The following SLC11A1 variants were observed in gnomAD, a reference collection of about 807,000 sequenced individuals.
SLC11A1 encodes the protein solute carrier family 11 member 1, also known as natural resistance-associated macrophage protein 1.
In SLC11A1, 59 loss-of-function variants were observed where a neutral mutation model predicts 63.2. The observed-to-expected ratio is 0.93, with a 90% CI of 0.76 to 1.16. SLC11A1 has a LOEUF of 1.16. SLC11A1 is among the 50% of genes most tolerant of loss of function. The pLI is 0.00. For synonymous variants in SLC11A1, 305 were observed against 307.8 expected, an observed-to-expected ratio of 0.99 and a Z score of 0.09; for missense variants, 688 against 730.7, an observed-to-expected ratio of 0.94 and a Z score of 0.67.
At chr2:218,394,584 TGGGC>T (rs1274769596) in intron 13 of SLC11A1, 44 bp from the exon 14 acceptor site, 2 of 1,593,134 alleles carry the variant, frequency 1.3e-6, no homozygotes, top group Non-Finnish European at 1.7e-6. Flanking sequence ...TTGATGCAGG[TGGGC>T]CAGCAGCAAC....
intron 6 of SLC11A1, 110 bp downstream of exon 6, chr2:218,387,340 C>T: frequency 8.9e-7 from 1 of 1,118,064 alleles, no homozygotes. Flanking sequence ...CCCTCACTCT[C>T]CCTGGGTGGC....
At position 218,394,656 on chromosome 2, in the gene SLC11A1, C is replaced by T. The variant is rs1206205988; in HGVS notation, c.1413C>T (p.Ser471=). Residue 471 remains serine, a synonymous_variant, in exon 14 of 15, where the codon TCC becomes TCT. Transcript: ENST00000233202. ...NGLLNKVVTS[S]IMVLVCAINL... is the part of the protein sequence containing the mutation. ...GGCTGAACAAGGTCGTCACCTCTTC[C>T]ATCATGGTGCTAGTCTGCGCCATCA... 11 of 1,613,884 alleles carry T rather than the reference C, an allele frequency of 6.8e-6. No individual in the cohort carries two copies. Among genetic ancestry groups the T allele is most frequent in the Non-Finnish European group, 9.3e-6 (11 of 1,180,032 alleles).
At position 218,393,070 on chromosome 2, in the gene SLC11A1, C is replaced by A; in HGVS notation, c.1254C>A (p.Phe418Leu). 1 of 1,598,870 alleles carries A rather than the reference C, an allele frequency of 6.3e-7. No individual in the cohort carries two copies. Among genetic ancestry groups the A allele is most frequent in the Non-Finnish European group, 8.5e-7 (1 of 1,176,692 alleles). The change falls in exon 12 of 15, where the codon TTC (phenylalanine) becomes TTA (leucine). Residue 418 changes from phenylalanine (F) to leucine (L), a missense_variant. Coordinates refer to ENST00000233202, the MANE Select transcript of SLC11A1 (RefSeq NM_000578.4). ...AILPTVLVAV[F>L]RDLRDLSGLN... ...TGCCCACCGTGCTCGTGGCTGTCTT[C>A]CGGGACCTGAGGGACTTGTCGGGCC...
chr2:218,383,524 G>C (rs1695914100), intron 2 of SLC11A1: 1 of 156,460 alleles, frequency 6.4e-6, no homozygotes, highest in African/African-American at 2.5e-5. Context: ...CTGTAGCCCA[G>C]GCTGGAGTGC....
Position 218,384,132 on chromosome 2 carries a change from C to A in SLC11A1, c.151-111C>A. Reference sequence around the variant, plus strand: ...AGACCCAGGAATGGGCCATGGAGGGCAGGGCTGGGCTGATGAGCCTGTTGG... The same window carrying A: ...AGACCCAGGAATGGGCCATGGAGGGAAGGGCTGGGCTGATGAGCCTGTTGG... On this transcript the variant is annotated intron_variant, in intron 2 of 14. Transcript: ENST00000233202. The surrounding 1 kb of genome is among the most constrained non-coding windows in gnomAD (Gnocchi z 4.0). 1.7e-6 allele frequency: 2 copies of A among 1,201,680 alleles called. No individual in the cohort carries two copies. The highest frequency in any genetic ancestry group is 2.2e-6 in the Non-Finnish European group (2 of 891,256). The allele number at this position is 1,201,680 out of a possible 1,614,324, so 74.4% of individuals were successfully genotyped here.
intron 7 of SLC11A1, 48 bp downstream of exon 7, chr2:218,387,680 C>G: frequency 6.2e-7 from 1 of 1,612,320 alleles, no homozygotes; most frequent in Non-Finnish European, 8.5e-7. Context: ...CAAGATCATT[C>G]CTCTCCCTTC....
Position 218,394,915 on chromosome 2 carries a change from C to T in SLC11A1, c.1543-10C>T, listed in dbSNP as rs1194391490. Reference sequence around the variant, plus strand: ...GGCATCTCCCCAATTCATGGTTGCCCCTCCCCCAGGTCTGGACCTGTTGCC... The same window carrying T: ...GGCATCTCCCCAATTCATGGTTGCCTCTCCCCCAGGTCTGGACCTGTTGCC... On this transcript the variant is annotated splice_polypyrimidine_tract_variant and intron_variant, in intron 14 of 14. Transcript: ENST00000233202. 2 of 1,610,826 alleles carry T rather than the reference C, an allele frequency of 1.2e-6. No homozygotes were observed. The highest frequency in any genetic ancestry group is 1.7e-5 in the Admixed American group (1 of 59,730).
chr2:218,394,427 T>C, intron 13 of SLC11A1: 1 of 704,118 alleles, frequency 1.4e-6, no homozygotes, highest in Non-Finnish European at 2.3e-6. Context: ...CAGACTCAGC[T>C]CTTGCCAAAT....
rs759776528 is a variant in SLC11A1, at chr2:218,384,335, T to C, written c.243T>C (p.Asp81=). The C allele has an allele frequency of 8.7e-6, 14 of 1,607,988 alleles. No individual in the cohort carries two copies. The South Asian group carries it at 8.8e-5, about 10-fold the overall frequency. The change falls in exon 3 of 15, where the codon GAT becomes GAC. Residue 81 remains aspartate (D), a synonymous_variant. Coordinates refer to ENST00000233202, the MANE Select transcript of SLC11A1 (RefSeq NM_000578.4). This position sits in a 1 kb window ranked among gnomAD's most constrained non-coding sequence, Gnocchi z 4.0. ...AFLDPGNIES[D]LQAGAVAGFK... ...TGGACCCAGGAAACATCGAGTCAGA[T>C]CTTCAGGCTGGCGCCGTGGCGGGAT...
In SLC11A1 at chr2:218,387,166, A is replaced by T; in HGVS notation, c.507A>T (p.Pro169=). 6.2e-7 allele frequency: 1 copy of T among 1,613,882 alleles called. No individual in the cohort carries two copies. Among genetic ancestry groups the T allele is most frequent in the Non-Finnish European group, 8.5e-7 (1 of 1,179,944 alleles). Residue 169 remains proline, a synonymous_variant, in exon 6 of 15, where the codon CCA becomes CCT. Coordinates refer to ENST00000233202, the MANE Select transcript of SLC11A1 (RefSeq NM_000578.4). Reference sequence around the variant, plus strand: ...CGGGCCACTCTGGTTTCAGAATCCCACTCTGGGGTGGCGTCCTCATCACCA... The same window carrying T: ...CGGGCCACTCTGGTTTCAGAATCCCTCTCTGGGGTGGCGTCCTCATCACCA... The part of the protein sequence containing the change: ...AFNLLSAGRI[P]LWGGVLITIV...
In SLC11A1 at chr2:218,393,093, G is replaced by A. The variant is rs1696551833; in HGVS notation, c.1277G>A (p.Gly426Asp). ...AVFRDLRDLS[G>D]LNDLLNVLQS... The stretch of plus-strand genomic sequence containing the variant: ...TTCCGGGACCTGAGGGACTTGTCGG[G>A]CCTCAATGATCTGCTCAACGTGCTG... Residue 426 changes from glycine (G) to aspartate (D), a missense_variant, in exon 12 of 15, where the codon GGC becomes GAC. Coordinates refer to ENST00000233202, the MANE Select transcript of SLC11A1 (RefSeq NM_000578.4). The A allele has an allele frequency of 6.3e-7, 1 of 1,594,590 alleles. No individual in the cohort carries two copies. Among genetic ancestry groups the A allele is most frequent in the Admixed American group, 1.7e-5 (1 of 58,428 alleles).
At position 218,396,150 on chromosome 2, in the gene SLC11A1, A is replaced by C. The variant is rs1696748352; in HGVS notation, c.*1115A>C. The C allele has an allele frequency of 6.7e-6, 1 of 150,196 alleles. No individual in the cohort carries two copies. Among genetic ancestry groups the C allele is most frequent in the African/African-American group, 2.5e-5 (1 of 40,688 alleles). 9.3% of individuals were successfully genotyped at this position (150,196 alleles called of 1,614,324 possible). A position where few individuals can be genotyped will look rare whatever the true frequency, so the allele number is the denominator to read the frequency against. On this transcript the variant is annotated 3_prime_UTR_variant, in exon 15 of 15. Transcript: ENST00000233202. ...GCCTCACCCCTCCCCGCCAGGCGGAACGACGCGGGGAGGCGGGCGCTCGGG... is the reference window on the plus strand; with the variant it reads ...GCCTCACCCCTCCCCGCCAGGCGGACCGACGCGGGGAGGCGGGCGCTCGGG...
Position 218,394,745 on chromosome 2 carries a change from C to A in SLC11A1, c.1502C>A (p.Ala501Asp), listed in dbSNP as rs1281600442. 9.9e-6 allele frequency: 16 copies of A among 1,613,574 alleles called. No homozygotes were observed. The highest frequency in any genetic ancestry group is 1.4e-5 in the Non-Finnish European group (16 of 1,180,038). The change falls in exon 14 of 15, where the codon GCC becomes GAC. Residue 501 changes from alanine to aspartate, a missense_variant. Transcript: ENST00000233202. Reference sequence around the variant, plus strand: ...CACCCTGCCTACTTCGGCCTTGCAGCCTTGCTGGCCGCAGCCTACCTGGGC... The same window carrying A: ...CACCCTGCCTACTTCGGCCTTGCAGACTTGCTGGCCGCAGCCTACCTGGGC... ...LPHPAYFGLA[A>D]LLAAAYLGLS... is the part of the protein sequence containing the mutation.
Position 218,394,170 on chromosome 2 carries a change from C to A in SLC11A1, c.1365C>A (p.Leu455=), listed in dbSNP as rs758008307. 6.2e-7 allele frequency: 1 copy of A among 1,614,196 alleles called. No homozygotes were observed. The highest frequency in any genetic ancestry group is 1.1e-5 in the South Asian group (1 of 91,088). Residue 455 remains leucine, a synonymous_variant, in exon 13 of 15, where the codon CTC becomes CTA. Transcript: ENST00000233202. ...TCACGTTCACCAGCATGCCCACCCTCATGCAGGAGTTTGCCAATGGCCTGT... is the reference window on the plus strand; with the variant it reads ...TCACGTTCACCAGCATGCCCACCCTAATGCAGGAGTTTGCCAATGGCCTGT... The part of the protein sequence containing the change: ...PILTFTSMPT[L]MQEFANGLLN...
chr2:218,395,946 T>C lies in SLC11A1; in HGVS notation c.*911T>C, dbSNP rs1027811165. On this transcript the variant is annotated 3_prime_UTR_variant, in exon 15 of 15. Coordinates refer to ENST00000233202, the MANE Select transcript of SLC11A1 (RefSeq NM_000578.4). ...AGTAAAACGGCGGCGCACTTCTTTCTCCGTCAGGCACCAGGTCATAAGGAA... is the reference window on the plus strand; with the variant it reads ...AGTAAAACGGCGGCGCACTTCTTTCCCCGTCAGGCACCAGGTCATAAGGAA... 10 of 152,406 alleles carry C rather than the reference T, an allele frequency of 6.6e-5. No individual in the cohort carries two copies. Among genetic ancestry groups the C allele is most frequent in the Non-Finnish European group, 1.0e-4 (7 of 68,092 alleles). The allele number at this position is 152,406 out of a possible 1,614,324, so 9.4% of individuals were successfully genotyped here.
intron 4 of SLC11A1, 98 bp from the exon 5 acceptor site, chr2:218,386,537 G>C: frequency 1.3e-6 from 1 of 794,066 alleles, no homozygotes; most frequent in Non-Finnish European, 2.1e-6. Flanking sequence ...TGGCCAGACT[G>C]TCTAGTAAAT....
chr2:218,383,899 G>A (rs1239537317), intron 2 of SLC11A1: 1 of 172,734 alleles, frequency 5.8e-6, no homozygotes. Context: ...GCTGGCAAGG[G>A]AGGAGCTGGG....
At position 218,394,123 on chromosome 2, in the gene SLC11A1, C is replaced by CCGTTCG. The variant is rs45470091; in HGVS notation, c.1320_1325dup (p.Phe441_Ala442dup). On this transcript the variant is annotated inframe_insertion, in exon 13 of 15. Coordinates refer to ENST00000233202, the MANE Select transcript of SLC11A1 (RefSeq NM_000578.4). The stretch of plus-strand genomic sequence containing the variant: ...AGGCTCCTGCTGCTCTCCCCAGCTC[C>CCGTTCG]CGTTCGCCGTGCTGCCCATCCTCAC... 88 of 1,614,142 alleles carry CCGTTCG rather than the reference C, an allele frequency of 5.5e-5. No individual in the cohort carries two copies. In the African/African-American group the frequency reaches 1.1e-3, roughly 21 times the overall value.
intron 14 of SLC11A1, 62 bp downstream of exon 14, chr2:218,394,847 G>A: frequency 6.2e-7 from 1 of 1,607,318 alleles, no homozygotes. Context: ...GCAACCAATG[G>A]GGAGGGTTTG....
Sources: allele counts gnomAD v4.1 joint callset, GRCh38; gene constraint gnomAD v4.1.1; non-coding constraint Gnocchi (gnomAD v3.1); transcripts MANE v1.5; gene names NCBI Gene and HGNC (gene_info 2026-07-23, HGNC 2026-07-21).